The following XRN2 variants were observed in gnomAD, a reference collection of about 807,000 sequenced individuals.
XRN2 encodes the protein DHM1-like protein.
Under a neutral mutation model 138.5 loss-of-function variants are expected in XRN2, and 44 were observed. The observed-to-expected ratio is 0.32, with a 90% CI of 0.25 to 0.41. XRN2 has a LOEUF of 0.41. XRN2 is among the 10% of genes least tolerant of loss of function. The probability of loss-of-function intolerance (pLI) is 1.00; values close to 1 mark genes in which losing one functional copy is unlikely to be tolerated. For missense variants in XRN2, 937 were observed against 1,169.3 expected, an observed-to-expected ratio of 0.80 and a Z score of 2.90; for synonymous variants, 354 against 369.4, an observed-to-expected ratio of 0.96 and a Z score of 0.48.
At chr20:21,387,910 C>G (rs1374777668) in intron 29 of XRN2, among the ~76,000 whole-genome samples, 1 of 151,204 alleles carries the variant, frequency 6.6e-6, no homozygotes, top group African/African-American at 2.4e-5. Context: ...AGTATCTCCA[C>G]CTTACAAGAA....
rs2037819734 is a variant in XRN2 at position 21,307,004 on chromosome 20, C to A, written c.75+3531C>A. Among the ~76,000 whole-genome samples, 2 of 76,212 alleles carry A rather than the reference C, an allele frequency of 2.6e-5. 1 individual carries two copies. The highest frequency in any genetic ancestry group is 3.1e-4 in the Admixed American group (2 of 6,358). The allele number at this position is 76,212 out of a possible 152,430, so 50.0% of individuals were successfully genotyped here. On this transcript the variant is annotated intron_variant, in intron 1 of 29. Transcript: ENST00000377191. ...CTGGTGACAGAGCGAGACTCCATCTCAGAAAAATAATGATTATTGTTATGT... is the reference window on the plus strand; with the variant it reads ...CTGGTGACAGAGCGAGACTCCATCTAAGAAAAATAATGATTATTGTTATGT...
At chr20:21,321,851 A>G (rs118178148) in intron 1 of XRN2, among the ~76,000 whole-genome samples, 2,827 of 152,278 alleles carry the variant, frequency 0.019, 43 homozygotes, top group Non-Finnish European at 0.025. Flanking sequence ...TTAGAATAAA[A>G]TCTTCTGATA....
In XRN2 at chr20:21,313,377, C is replaced by T. The variant is rs1005523279; in HGVS notation, c.75+9904C>T. The stretch of plus-strand genomic sequence containing the variant: ...TGTTGGGTGACTCAATTTTTCGCTG[C>T]TCTGTGCATGTCCACAAATGACTGC... On this transcript the variant is annotated intron_variant, in intron 1 of 29. Coordinates refer to ENST00000377191, the MANE Select transcript of XRN2 (RefSeq NM_012255.5). Among the ~76,000 whole-genome samples, 12 of 152,312 alleles carry T rather than the reference C, an allele frequency of 7.9e-5. No homozygotes were observed. The East Asian group carries it at 2.3e-3, about 29-fold the overall frequency.
chr20:21,311,476 A>G (rs2037879991), intron 1 of XRN2, among the ~76,000 whole-genome samples: 1 of 152,210 alleles, frequency 6.6e-6, no homozygotes. Flanking sequence ...CACTCTGGAC[A>G]CTTTGGCTGG....
chr20:21,375,927 C>T (rs1180001648), intron 27 of XRN2, among the ~76,000 whole-genome samples: 4 of 151,906 alleles, frequency 2.6e-5, no homozygotes, highest in African/African-American at 9.7e-5. Flanking sequence ...CAAGCTCCGC[C>T]TCCCGGGTTC....
At chr20:21,338,005 G>C (rs1372047874) in intron 13 of XRN2, among the ~76,000 whole-genome samples, 1 of 152,212 alleles carries the variant, frequency 6.6e-6, no homozygotes. Flanking sequence ...TTCTACATCA[G>C]AGGAGGTTTT....
chr20:21,366,247 T>C lies in XRN2; in HGVS notation c.2456+543T>C, dbSNP rs1176102419. On this transcript the variant is annotated intron_variant, in intron 26 of 29. Transcript: ENST00000377191. ...ATATATATATTATATATATAAACTT[T>C]ATGAAAATACTGGGTTTGGGCCGGG... 5.7e-5 allele frequency among the ~76,000 whole-genome samples: 8 copies of C among 139,228 alleles called. No individual in the cohort carries two copies. In the East Asian group the frequency reaches 1.6e-3, roughly 28 times the overall value. The allele number at this position is 139,228 out of a possible 152,430, so 91.3% of individuals were successfully genotyped here.
rs541233869 is a variant in XRN2 at position 21,333,863 on chromosome 20, A to G, written c.1067+26A>G. On this transcript the variant is annotated intron_variant, in intron 11 of 29. Transcript: ENST00000377191. ...GTATGTGCATTTGTGTAGCTTTTCAAACGACTGTTTTAGGCTTCTTGACTT... is the reference window on the plus strand; with the variant it reads ...GTATGTGCATTTGTGTAGCTTTTCAGACGACTGTTTTAGGCTTCTTGACTT... 1.6e-4 allele frequency: 252 copies of G among 1,614,062 alleles called. 1 individual carries two copies. The South Asian group carries it at 2.6e-3, about 16-fold the overall frequency.
intron 13 of XRN2, among the ~76,000 whole-genome samples, chr20:21,338,789 C>T (rs1249855075): frequency 6.6e-6 from 1 of 151,876 alleles, no homozygotes; most frequent in African/African-American, 2.4e-5. Context: ...TTTGCATTTT[C>T]CTAAAATGAT....
intron 1 of XRN2, chr20:21,303,684 G>A: frequency 1.5e-6 from 2 of 1,323,410 alleles, no homozygotes; most frequent in Non-Finnish European, 9.6e-7. Flanking sequence ...ACCCTCGGCG[G>A]GGCAAGGGCC....
chr20:21,382,450 A>G (rs1600721895), intron 28 of XRN2, among the ~76,000 whole-genome samples: 1 of 152,242 alleles, frequency 6.6e-6, no homozygotes, highest in African/African-American at 2.4e-5. Context: ...GCGTTAGTAC[A>G]GACCAACCAT....
chr20:21,339,276 G>C (rs1447749805), intron 14 of XRN2, among the ~76,000 whole-genome samples, 188 bp downstream of exon 14: 2 of 152,198 alleles, frequency 1.3e-5, no homozygotes, highest in Non-Finnish European at 2.9e-5. Flanking sequence ...TCTAGGCTCT[G>C]ATGTCTGAAG....
intron 1 of XRN2, chr20:21,303,977 T>G (rs1189029381): frequency 2.0e-6 from 1 of 499,236 alleles, no homozygotes. Context: ...CTCCTAGTGT[T>G]CAGGACCATT....
rs184138561 is a variant in XRN2, at chr20:21,323,666, T to C, written c.76-2613T>C. ...TTACTGGGAATACCTGGAGCTCTTT[T>C]CTCAAAATTAGGACCCACCTACTCC... On this transcript the variant is annotated intron_variant, in intron 1 of 29. Transcript: ENST00000377191. Among the ~76,000 whole-genome samples the C allele has an allele frequency of 1.1e-4, 16 of 152,330 alleles. No individual in the cohort carries two copies. In the East Asian group the frequency reaches 2.1e-3, roughly 20 times the overall value.
At chr20:21,340,628 T>A in intron 14 of XRN2, 93 bp from the exon 15 acceptor site, 1 of 1,430,122 alleles carries the variant, frequency 7.0e-7, no homozygotes, top group South Asian at 1.3e-5. Flanking sequence ...GTGCTTACAG[T>A]TTGGACTTTA....
rs180940951 is a variant in XRN2, at chr20:21,344,918, T to G, written c.1529+710T>G. Among the ~76,000 whole-genome samples, 58 of 152,274 alleles carry G rather than the reference T, an allele frequency of 3.8e-4. No individual in the cohort carries two copies. In the East Asian group the frequency reaches 8.5e-3, roughly 22 times the overall value. ...TCAATAATTGTAGCTCATTAAGAAT[T>G]TAGGAAAACGATCTATTTCAAAGGT... On this transcript the variant is annotated intron_variant, in intron 16 of 29. Transcript: ENST00000377191.
chr20:21,311,439 T>G (rs1022764254), intron 1 of XRN2, among the ~76,000 whole-genome samples: 11 of 152,234 alleles, frequency 7.2e-5, no homozygotes, highest in Non-Finnish European at 2.9e-5. Context: ...TGAATGATAC[T>G]CCCATTGTAT....
intron 13 of XRN2, among the ~76,000 whole-genome samples, chr20:21,334,405 G>GT (rs2038258112): frequency 6.6e-6 from 1 of 152,266 alleles, no homozygotes; most frequent in Admixed American, 6.5e-5. Flanking sequence ...GCATTGTAAT[G>GT]TTTTTTCTGT....
intron 27 of XRN2, among the ~76,000 whole-genome samples, chr20:21,375,762 A>G (rs191988714): frequency 2.0e-5 from 3 of 152,056 alleles, no homozygotes; most frequent in South Asian, 2.1e-4. Flanking sequence ...ACTTCCTACA[A>G]TAGCATATGA....
Sources: gnomAD v4.1 joint callset for allele counts (sites outside exome capture counted in the v4.1 genomes callset) on GRCh38, gnomAD v4.1.1 for gene constraint, MANE v1.5 for transcripts, NCBI Gene and HGNC (gene_info 2026-07-23, HGNC 2026-07-21) for gene names.